The following PCDH15 variants were observed in gnomAD, a reference collection of about 807,000 sequenced individuals.
The protein encoded by PCDH15 is protocadherin related 15.
PCDH15 carries 129 observed loss-of-function variants against 178.5 expected under a neutral mutation model. That is an observed-to-expected ratio of 0.72 (90% confidence interval 0.63 to 0.84). The LOEUF (loss-of-function observed/expected upper bound fraction) is 0.84, where lower values mean the gene tolerates loss of function less well. PCDH15 is among the 40% of genes least tolerant of loss of function. PCDH15 has a pLI of 0.00. For missense variants in PCDH15, 2,230 were observed against 2,099.9 expected, an observed-to-expected ratio of 1.06 and a Z score of -1.21; for synonymous variants, 800 against 732.0, an observed-to-expected ratio of 1.09 and a Z score of -1.50.
At chr10:54,729,109 CAA>C (rs1942985968) in intron 1 of PCDH15, among the ~76,000 whole-genome samples, 1 of 151,460 alleles carries the variant, frequency 6.6e-6, no homozygotes, top group Non-Finnish European at 1.5e-5. Flanking sequence ...CCTGAATAGC[CAA>C]AGCAATCCTA....
At chr10:54,642,112 G>A (rs780850809) in intron 2 of PCDH15, among the ~76,000 whole-genome samples, 6 of 151,690 alleles carry the variant, frequency 4.0e-5, no homozygotes, top group Admixed American at 6.6e-5. Context: ...AGATAATTAG[G>A]TCATGAGACC....
At chr10:54,229,016 AATTT>A (rs1445943391) in intron 9 of PCDH15, among the ~76,000 whole-genome samples, 1 of 151,630 alleles carries the variant, frequency 6.6e-6, no homozygotes, top group African/African-American at 2.4e-5. Context: ...TTATAATATT[AATTT>A]TACACCAAAC....
At chr10:55,216,146 G>A (rs556928496) in intron 1 of PCDH15, among the ~76,000 whole-genome samples, 1 of 151,564 alleles carries the variant, frequency 6.6e-6, no homozygotes, top group East Asian at 1.9e-4. Context: ...AAAAGTCCTT[G>A]GCATAGAATA....
intron 6 of PCDH15, among the ~76,000 whole-genome samples, chr10:54,339,672 C>G (rs1745187328): frequency 1.3e-5 from 2 of 152,156 alleles, no homozygotes; most frequent in African/African-American, 2.4e-5. Flanking sequence ...CTAGGCTCAT[C>G]TGTATACTTC....
chr10:53,930,938 C>T (rs2085007184), intron 25 of PCDH15, among the ~76,000 whole-genome samples: 4 of 152,058 alleles, frequency 2.6e-5, no homozygotes, highest in South Asian at 2.1e-4. Flanking sequence ...TTCATTAACA[C>T]TTTGTAAAAG....
At chr10:55,264,386 G>C (rs1473012322) in intron 1 of PCDH15, among the ~76,000 whole-genome samples, 1 of 152,076 alleles carries the variant, frequency 6.6e-6, no homozygotes, top group African/African-American at 2.4e-5. Context: ...GGAACTCACA[G>C]GTTGTTGGCA....
intron 2 of PCDH15, among the ~76,000 whole-genome samples, chr10:55,411,585 C>A (rs974326431): frequency 1.3e-5 from 2 of 152,012 alleles, no homozygotes; most frequent in Admixed American, 6.6e-5. Context: ...AGATGTCATT[C>A]ATATAGTATT....
intron 2 of PCDH15, among the ~76,000 whole-genome samples, chr10:54,958,880 TC>T (rs1230068051): frequency 2.6e-5 from 4 of 151,922 alleles, no homozygotes; most frequent in Non-Finnish European, 5.9e-5. Context: ...ACACCTATGT[TC>T]TTTGTAAAAC....
chr10:54,211,445 A>G (rs1033874266), intron 10 of PCDH15, among the ~76,000 whole-genome samples: 2 of 152,156 alleles, frequency 1.3e-5, no homozygotes, highest in Admixed American at 6.5e-5. Flanking sequence ...TAATCTTTTC[A>G]TAGTCTAAAG....
intron 3 of PCDH15, among the ~76,000 whole-genome samples, chr10:54,483,906 C>T (rs958687876): frequency 6.6e-6 from 1 of 151,836 alleles, no homozygotes; most frequent in Non-Finnish European, 1.5e-5. Context: ...TTCAGTGATG[C>T]ACTTAGTAAT....
chr10:54,160,532 T>C (rs2045601331), intron 13 of PCDH15, among the ~76,000 whole-genome samples: 1 of 152,070 alleles, frequency 6.6e-6, no homozygotes, highest in Non-Finnish European at 1.5e-5. Flanking sequence ...AATATGACAG[T>C]AAAAGTATGA....
intron 3 of PCDH15, among the ~76,000 whole-genome samples, chr10:54,811,620 G>A (rs368456820): frequency 1.4e-4 from 22 of 151,868 alleles, no homozygotes; most frequent in Non-Finnish European, 2.2e-4. Flanking sequence ...ACAGCCATGC[G>A]CCACGACGCC....
chr10:54,913,092 A>T (rs1954845815), intron 2 of PCDH15, among the ~76,000 whole-genome samples: 1 of 152,216 alleles, frequency 6.6e-6, no homozygotes, highest in Admixed American at 6.5e-5. Flanking sequence ...ATAGAAAAGA[A>T]AAACCCATTT....
chr10:54,529,708 T>G (rs72792535), intron 2 of PCDH15, among the ~76,000 whole-genome samples: 8,190 of 152,208 alleles, frequency 0.054, 357 homozygotes, highest in Non-Finnish European at 0.078. Context: ...GAATTAGATA[T>G]TTCACATATT....
intron 2 of PCDH15, among the ~76,000 whole-genome samples, chr10:54,955,809 C>A (rs147709704): frequency 2.4e-4 from 37 of 151,356 alleles, no homozygotes; most frequent in African/African-American, 8.7e-4. Context: ...TAATTTATGA[C>A]ATTCAGCACA....
chr10:55,195,342 A>G (rs1350805437), intron 1 of PCDH15, among the ~76,000 whole-genome samples: 1 of 151,658 alleles, frequency 6.6e-6, no homozygotes, highest in African/African-American at 2.4e-5. Context: ...ATTTTAGCTT[A>G]TGTTAGAAAT....
intron 12 of PCDH15, among the ~76,000 whole-genome samples, chr10:54,183,869 G>A (rs1313058720): frequency 6.6e-6 from 1 of 152,060 alleles, no homozygotes. Flanking sequence ...CATTTAAAGT[G>A]GGCCAATAAC....
chr10:54,605,398 G>A (rs992373125), intron 2 of PCDH15, among the ~76,000 whole-genome samples: 6 of 151,738 alleles, frequency 4.0e-5, no homozygotes, highest in Non-Finnish European at 7.4e-5. Context: ...AATTTTCTGG[G>A]TATACTGTTT....
At chr10:54,504,635 T>TGACCCTAAGAGTAAGGACCAA (rs1413814721) in intron 3 of PCDH15, among the ~76,000 whole-genome samples, 2 of 152,180 alleles carry the variant, frequency 1.3e-5, no homozygotes, top group Admixed American at 1.3e-4. Flanking sequence ...ATTTTTACAC[T>TGACCCTAAGAGTAAGGACCAA]GACCCTAAGA....
Sources: allele counts gnomAD v4.1 joint callset (sites outside exome capture counted in the v4.1 genomes callset), GRCh38; gene constraint gnomAD v4.1.1; transcripts MANE v1.5; gene names NCBI Gene and HGNC (gene_info 2026-07-23, HGNC 2026-07-21).